The following FRMD5 variants were observed in gnomAD, a reference collection of about 807,000 sequenced individuals.
The protein encoded by FRMD5 is FERM domain-containing protein 5.
FRMD5 carries 20 observed loss-of-function variants against 69.0 expected under a neutral mutation model. The ratio of observed to expected loss-of-function variants is 0.29; its 90% confidence interval spans 0.20 to 0.42. The LOEUF (loss-of-function observed/expected upper bound fraction) is 0.42, where lower values mean the gene tolerates loss of function less well. Ranked by LOEUF, FRMD5 falls within the 10% of genes least tolerant of loss-of-function variation. The pLI is 1.00. For missense variants in FRMD5, 595 were observed against 708.6 expected (o/e 0.84, Z 1.82); for synonymous variants, 271 against 260.1 (o/e 1.04, Z -0.40).
intron 1 of FRMD5, among the ~76,000 whole-genome samples, chr15:44,105,071 C>T (rs2140546029): frequency 6.9e-6 from 1 of 145,050 alleles, no homozygotes; most frequent in African/African-American, 2.5e-5. Flanking sequence ...GAGCCTATAT[C>T]ACTCAAATTC....
intron 1 of FRMD5, 182 bp downstream of exon 1, chr15:44,194,771 G>A (rs2078257178): frequency 5.8e-6 from 4 of 689,706 alleles, no homozygotes; most frequent in South Asian, 4.6e-5. Flanking sequence ...CCGGGTGCCA[G>A]GGCTCCGGCA....
chr15:44,152,506 T>C (rs1256511940), intron 1 of FRMD5, among the ~76,000 whole-genome samples: 9 of 152,240 alleles, frequency 5.9e-5, no homozygotes, highest in Admixed American at 5.2e-4. Flanking sequence ...AGAATAAGCG[T>C]ATGTTTAATT....
rs1350963909 is a variant in FRMD5, at chr15:43,952,294, C to T, written c.103-27985G>A. Among the ~76,000 whole-genome samples the T allele has an allele frequency of 3.3e-5, 5 of 152,084 alleles. No individual in the cohort carries two copies. In the East Asian group the frequency reaches 9.6e-4, roughly 29 times the overall value. ...AGCAACACCAGTATTTATGCTCAGG[C>T]TAATGTTCTATTACAGGGATTATAC... On this transcript the variant is annotated intron_variant, in intron 1 of 13. Coordinates refer to ENST00000417257, the MANE Select transcript of FRMD5 (RefSeq NM_032892.5).
intron 1 of FRMD5, among the ~76,000 whole-genome samples, chr15:44,015,182 C>T (rs1266330427): frequency 4.6e-5 from 7 of 151,480 alleles, no homozygotes; most frequent in Non-Finnish European, 1.5e-5. Context: ...GTTGCCTAGG[C>T]TGGAGTATAA....
chr15:44,130,349 A>T, intron 1 of FRMD5, among the ~76,000 whole-genome samples: 1 of 152,114 alleles, frequency 6.6e-6, no homozygotes, highest in East Asian at 1.9e-4. Flanking sequence ...CTTCCCCAGG[A>T]CCCTGATGGC....
intron 1 of FRMD5, among the ~76,000 whole-genome samples, chr15:44,177,980 T>C (rs558764909): frequency 2.0e-5 from 3 of 152,180 alleles, no homozygotes; most frequent in East Asian, 1.9e-4. Context: ...ACTGTACAGC[T>C]AAAAAAGTTA....
chr15:43,972,041 T>A (rs905802561), intron 1 of FRMD5, among the ~76,000 whole-genome samples: 1 of 146,392 alleles, frequency 6.8e-6, no homozygotes, highest in East Asian at 2.0e-4. Context: ...ATTAAAAAAA[T>A]ATATATTTTT....
At chr15:43,990,178 C>T in intron 1 of FRMD5, 1 of 539,200 alleles carries the variant, frequency 1.9e-6, no homozygotes, top group South Asian at 1.7e-5. Context: ...GTGATATCAT[C>T]ATCCATGGTG....
chr15:43,958,957 A>G (rs554432118), intron 1 of FRMD5, among the ~76,000 whole-genome samples: 25 of 152,262 alleles, frequency 1.6e-4, no homozygotes, highest in Admixed American at 3.3e-4. Context: ...TCCAGCCCAC[A>G]CCTGGCATAC....
chr15:43,947,728 A>G (rs953921563), intron 1 of FRMD5, among the ~76,000 whole-genome samples: 2 of 152,198 alleles, frequency 1.3e-5, no homozygotes, highest in Non-Finnish European at 2.9e-5. Context: ...GAGTGTGTAG[A>G]GGCCTGGGAA....
intron 1 of FRMD5, among the ~76,000 whole-genome samples, chr15:43,951,347 A>C (rs562575193): frequency 1.3e-5 from 2 of 151,426 alleles, no homozygotes. Flanking sequence ...GTGTGAACCC[A>C]GGAGGCGGCA....
At chr15:43,962,406 G>A (rs2090217407) in intron 1 of FRMD5, among the ~76,000 whole-genome samples, 1 of 152,126 alleles carries the variant, frequency 6.6e-6, no homozygotes, top group Admixed American at 6.5e-5. Context: ...AAATAAAAGA[G>A]GACACAAACA....
At chr15:44,113,435 G>A (rs1304332862) in intron 1 of FRMD5, among the ~76,000 whole-genome samples, 3 of 151,994 alleles carry the variant, frequency 2.0e-5, no homozygotes, top group African/African-American at 2.4e-5. Flanking sequence ...TATTTATGGG[G>A]TATATGAGAC....
At chr15:44,124,298 T>A (rs1050428664) in intron 1 of FRMD5, among the ~76,000 whole-genome samples, 5 of 152,012 alleles carry the variant, frequency 3.3e-5, no homozygotes, top group African/African-American at 9.7e-5. Flanking sequence ...CATATCTTTT[T>A]ACCCAATAAT....
chr15:44,178,507 T>C (rs1489774301), intron 1 of FRMD5, among the ~76,000 whole-genome samples: 2 of 152,144 alleles, frequency 1.3e-5, no homozygotes, highest in Non-Finnish European at 2.9e-5. Flanking sequence ...GTTTATATAT[T>C]GCCGATGACA....
At chr15:44,142,865 T>A (rs2077293867) in intron 1 of FRMD5, among the ~76,000 whole-genome samples, 1 of 151,820 alleles carries the variant, frequency 6.6e-6, no homozygotes, top group Non-Finnish European at 1.5e-5. Context: ...CCAAGGTGGG[T>A]GGATCATGGG....
At chr15:44,164,309 A>T (rs142428938) in intron 1 of FRMD5, among the ~76,000 whole-genome samples, 22 of 152,330 alleles carry the variant, frequency 1.4e-4, no homozygotes, top group African/African-American at 5.1e-4. Flanking sequence ...TTATAAGAAA[A>T]ATATACTATT....
intron 1 of FRMD5, among the ~76,000 whole-genome samples, chr15:44,137,929 C>T (rs1595508795): frequency 6.6e-6 from 1 of 152,168 alleles, no homozygotes; most frequent in South Asian, 2.1e-4. Context: ...TTATGTCATA[C>T]TGTACAATAA....
At chr15:44,043,562 G>C (rs1438182036) in intron 1 of FRMD5, among the ~76,000 whole-genome samples, 2 of 152,054 alleles carry the variant, frequency 1.3e-5, no homozygotes, top group African/African-American at 4.8e-5. Context: ...GCATGGTACT[G>C]GTACCAAAAC....
Sources: gnomAD v4.1 joint callset for allele counts (sites outside exome capture counted in the v4.1 genomes callset) on GRCh38, gnomAD v4.1.1 for gene constraint, MANE v1.5 for transcripts, NCBI Gene and HGNC (gene_info 2026-07-23, HGNC 2026-07-21) for gene names.